RRBP1: variants seen among roughly 807,000 people sequenced by gnomAD.
The protein encoded by RRBP1 is ribosome binding protein 1, also known as ribosome-binding protein 1.
RRBP1 carries 94 observed loss-of-function variants against 165.2 expected under a neutral mutation model. The ratio of observed to expected loss-of-function variants is 0.57; its 90% CI spans 0.48 to 0.68. RRBP1 has a LOEUF of 0.68. Ranked by LOEUF, RRBP1 falls within the 30% of genes least tolerant of loss-of-function variation. RRBP1 has a pLI of 0.00. For missense variants in RRBP1, 1,676 were observed against 1,763.0 expected, an observed-to-expected ratio of 0.95 and a Z score of 0.88; for synonymous variants, 680 against 714.5, an observed-to-expected ratio of 0.95 and a Z score of 0.77.
intron 21 of RRBP1, 53 bp from the exon 22 acceptor site, chr20:17,616,062 G>A: frequency 1.3e-6 from 2 of 1,495,440 alleles, no homozygotes. Flanking sequence ...ACCCTCCAGG[G>A]GCCCAGGGAT....
At chr20:17,655,036 A>C (rs1403240812) in intron 3 of RRBP1, among the ~76,000 whole-genome samples, 2 of 152,240 alleles carry the variant, frequency 1.3e-5, no homozygotes, top group Non-Finnish European at 2.9e-5. Flanking sequence ...TATATCAGGA[A>C]GGTTTTAATA....
At chr20:17,616,659 C>A in intron 21 of RRBP1, 73 bp downstream of exon 21, 2 of 1,039,498 alleles carry the variant, frequency 1.9e-6, no homozygotes, top group African/African-American at 1.6e-5. Context: ...GGGGTTTAGT[C>A]CGAACGGAGG....
chr20:17,622,655 TAAGGAAACAA>T (rs1328923651), intron 13 of RRBP1, among the ~76,000 whole-genome samples: 5 of 151,464 alleles, frequency 3.3e-5, no homozygotes, highest in Non-Finnish European at 1.5e-5. Context: ...ACAACAAAGA[TAAGGAAACAA>T]AAGGAAACAA....
rs1290062415 is a variant in RRBP1, at chr20:17,658,965, C to T, written c.1543G>A (p.Ala515Thr). 6.2e-7 allele frequency: 1 copy of T among 1,612,600 alleles called. No homozygotes were observed. Among genetic ancestry groups the T allele is most frequent in the Non-Finnish European group, 8.5e-7 (1 of 1,179,732 alleles). Residue 515 changes from alanine (A) to threonine (T), a missense_variant, in exon 3 of 25, where the codon GCC becomes ACC. By Grantham distance (58) the Ala-to-Thr change is moderately conservative. This residue lies in a region of RRBP1 where 1,184 missense variants were observed against 1,167.1 expected (regional missense o/e 1.01). Coordinates refer to ENST00000377813, the MANE Select transcript of RRBP1 (RefSeq NM_001365613.2). ...TCTGTCTTTTTACCCTGATTCTGGG[C>T]TCCCTCTCCTTTTTGGCCCTGGTTC... Reference protein sequence around the residue: ...AQNQGQKGEGAQNQGKKTEGA... With the variant: ...AQNQGQKGEGTQNQGKKTEGA...
chr20:17,652,650 G>A (rs1043311638), intron 3 of RRBP1, among the ~76,000 whole-genome samples: 1 of 152,140 alleles, frequency 6.6e-6, no homozygotes, highest in Non-Finnish European at 1.5e-5. Flanking sequence ...GCCTCAGGTT[G>A]GGCACACATG....
chr20:17,647,021 C>G (rs2036477142), intron 3 of RRBP1, among the ~76,000 whole-genome samples: 1 of 152,224 alleles, frequency 6.6e-6, no homozygotes, highest in African/African-American at 2.4e-5. Context: ...CTGGCAGCAG[C>G]TGGTGGTTAA....
chr20:17,625,387 G>A, intron 12 of RRBP1, 125 bp downstream of exon 12: 1 of 793,512 alleles, frequency 1.3e-6, no homozygotes. Flanking sequence ...ACAGCACAAT[G>A]GGGTGTAGAA....
chr20:17,636,656 T>G lies in RRBP1; in HGVS notation c.2258A>C (p.Gln753Pro). 1 of 1,613,368 alleles carries G rather than the reference T, an allele frequency of 6.2e-7. No homozygotes were observed. Among genetic ancestry groups the G allele is most frequent in the Non-Finnish European group, 8.5e-7 (1 of 1,180,024 alleles). ...KVKKQLVARE[Q>P]EITAVQARMQ... ...GCGTGCCTGCACAGCCGTGATCTCC[T>G]GCTCCCGGGCCACCAGCTGCTTTTT... Residue 753 changes from glutamine to proline, a missense_variant, in exon 6 of 25, where the codon CAG (glutamine) becomes CCG (proline). Physicochemically the swap from Gln to Pro is moderately conservative, Grantham distance 76. This residue lies in a region of RRBP1 where 1,184 missense variants were observed against 1,167.1 expected (regional missense o/e 1.01). Transcript: ENST00000377813.
Position 17,634,368 on chromosome 20 carries a change from G to GGGTGGTGGGTCCCACCTCTC in RRBP1, c.2457-775_2457-756dup, listed in dbSNP as rs542544240. On this transcript the variant is annotated intron_variant, in intron 7 of 24. Coordinates refer to ENST00000377813, the MANE Select transcript of RRBP1 (RefSeq NM_001365613.2). The stretch of plus-strand genomic sequence containing the variant: ...GGCTAGATTTGCTCTGCTGCCTGCG[G>GGGTGGTGGGTCCCACCTCTC]GGTGGTGGGTCCCACCTCTCTGACT... Among the ~76,000 whole-genome samples, 906 of 152,292 alleles carry GGGTGGTGGGTCCCACCTCTC rather than the reference G, an allele frequency of 5.9e-3. 10 individuals are homozygous for GGGTGGTGGGTCCCACCTCTC. The highest frequency in any genetic ancestry group is 0.021 in the African/African-American group (857 of 41,542).
At chr20:17,626,912 C>T (rs544678955) in intron 11 of RRBP1, among the ~76,000 whole-genome samples, 136 of 152,356 alleles carry the variant, frequency 8.9e-4, no homozygotes, top group South Asian at 8.9e-3. Context: ...TCTGCCCCGA[C>T]GCCTCAAACC....
chr20:17,618,980 G>A (rs2035855842), intron 19 of RRBP1: 1 of 382,092 alleles, frequency 2.6e-6, no homozygotes, highest in East Asian at 5.5e-5. Flanking sequence ...TTCAGAGATG[G>A]TCTCAATCTG....
At chr20:17,657,092 T>G (rs898748696) in intron 3 of RRBP1, among the ~76,000 whole-genome samples, 1 of 152,258 alleles carries the variant, frequency 6.6e-6, no homozygotes, top group South Asian at 2.1e-4. Flanking sequence ...TGGACATGCC[T>G]GATGTGGAAG....
At chr20:17,621,120 G>C (rs778616463) in intron 16 of RRBP1, among the ~76,000 whole-genome samples, 1 of 152,206 alleles carries the variant, frequency 6.6e-6, no homozygotes, top group African/African-American at 2.4e-5. Flanking sequence ...GAGGAGCACA[G>C]GATGGGCTGG....
In RRBP1 at chr20:17,643,444, T is replaced by G. The variant is rs1431725964; in HGVS notation, c.1913-317A>C. On this transcript the variant is annotated intron_variant, in intron 3 of 24. Transcript: ENST00000377813. The surrounding 1 kb of genome is among the most constrained non-coding windows in gnomAD (Gnocchi z 4.3). ...TGCAACAAAATTAAGCAAGGCGTAC[T>G]TTTTCCATAGGCTTTTCTCCCTTCC... 6.6e-6 allele frequency among the ~76,000 whole-genome samples: 1 copy of G among 152,136 alleles called. No homozygotes were observed. The highest frequency in any genetic ancestry group is 2.4e-5 in the African/African-American group (1 of 41,440).
rs546300330 is a variant in RRBP1, at chr20:17,659,784, C to T, written c.724G>A (p.Ala242Thr). 3.2e-6 allele frequency: 5 copies of T among 1,550,712 alleles called. No individual in the cohort carries two copies. The highest frequency in any genetic ancestry group is 2.7e-5 in the African/African-American group (2 of 73,132). ...TEGTPNQGKKAEGTPNQGKKA... is the reference protein window; with the variant it reads ...TEGTPNQGKKTEGTPNQGKKA... The stretch of plus-strand genomic sequence containing the variant: ...TTGCCTTGGTTTGGGGTTCCCTCTG[C>T]CTTTTTCCCTTGGTTTGGGGTTCCC... Residue 242 changes from alanine to threonine, a missense_variant, in exon 3 of 25, where the codon GCA becomes ACA. Transcript: ENST00000377813.
At position 17,615,973 on chromosome 20, in the gene RRBP1, C is replaced by G. The variant is rs1276912486; in HGVS notation, c.3904G>C (p.Glu1302Gln). 6.2e-7 allele frequency: 1 copy of G among 1,609,252 alleles called. No individual in the cohort carries two copies. The highest frequency in any genetic ancestry group is 1.7e-5 in the Admixed American group (1 of 60,012). Residue 1302 changes from glutamate (E) to glutamine (Q), a missense_variant, in exon 22 of 25, where the codon GAG (glutamate) becomes CAG (glutamine). Physicochemically the swap from Glu to Gln is conservative, Grantham distance 29 (BLOSUM62 2). Transcript: ENST00000377813. ...TQLEWTEAILEDEQTQRQKLT... is the reference protein window; with the variant it reads ...TQLEWTEAILQDEQTQRQKLT... ...TTCTGCCGCTGTGTCTGCTCATCCT[C>G]CAGGATGGCTTCTGTCCACTCCAGC...
chr20:17,621,355 G>A (rs2035909261), intron 16 of RRBP1, 103 bp downstream of exon 16: 1 of 803,672 alleles, frequency 1.2e-6, no homozygotes, highest in Admixed American at 2.2e-5. Flanking sequence ...AAGGCCAGTG[G>A]GCTTTTCCAA....
At chr20:17,666,033 A>C (rs1167574040) in intron 2 of RRBP1, among the ~76,000 whole-genome samples, 2 of 152,176 alleles carry the variant, frequency 1.3e-5, no homozygotes, top group African/African-American at 4.8e-5. Flanking sequence ...TTCCACTGTT[A>C]TATTTATGCC....
chr20:17,668,844 G>T (rs559322152), intron 2 of RRBP1, among the ~76,000 whole-genome samples: 1 of 151,910 alleles, frequency 6.6e-6, no homozygotes, highest in East Asian at 1.9e-4. Flanking sequence ...CTCACTGCAG[G>T]TCCCAGTCAC....
Sources: gnomAD v4.1 joint callset for allele counts (sites outside exome capture counted in the v4.1 genomes callset) on GRCh38, gnomAD v4.1.1 for gene constraint, gnomAD v4.1.1 regional missense constraint, Gnocchi (gnomAD v3.1) non-coding constraint, MANE v1.5 for transcripts, NCBI Gene and HGNC (gene_info 2026-07-23, HGNC 2026-07-21) for gene names.